VWA8: variants seen among roughly 807,000 people sequenced by gnomAD.
The protein encoded by VWA8 is von Willebrand factor A domain-containing protein 8.
VWA8 carries 221 observed loss-of-function variants against 241.5 expected under a neutral mutation model. The observed-to-expected ratio is 0.91, with a 90% CI of 0.82 to 1.02. The LOEUF (loss-of-function observed/expected upper bound fraction) is 1.02. Among genes scored for constraint, VWA8 ranks in the 50% least tolerant of loss-of-function variants. The pLI is 0.00. For missense variants in VWA8, 2,322 were observed against 2,328.7 expected (o/e 1.00, Z 0.06); for synonymous variants, 852 against 827.1 (o/e 1.03, Z -0.52).
In VWA8 at chr13:41,811,300, AAC is replaced by A. The variant is rs755964231; in HGVS notation, c.1986_1987del (p.Leu663AlafsTer11). ...CTGTGACAGCCGACGAGAAATTCGCAACAGTTGTCTGGTAGAAAGTGATGCCG... is the reference window on the plus strand; with the variant it reads ...CTGTGACAGCCGACGAGAAATTCGCAAGTTGTCTGGTAGAAAGTGATGCCG... On this transcript the variant is annotated frameshift_variant, in exon 17 of 45. Transcript: ENST00000379310. LOFTEE classifies it high-confidence loss of function. 1 of 1,611,110 alleles carries A rather than the reference AAC, an allele frequency of 6.2e-7. No homozygotes were observed. The highest frequency in any genetic ancestry group is 1.3e-5 in the African/African-American group (1 of 74,990).
At chr13:41,866,071 G>A (rs1873284943) in intron 10 of VWA8, 35 bp from the exon 11 acceptor site, 1 of 1,605,782 alleles carries the variant, frequency 6.2e-7, no homozygotes, top group South Asian at 1.1e-5. Flanking sequence ...AACATGGCCA[G>A]ATGTGGTGGC....
intron 1 of VWA8, among the ~76,000 whole-genome samples, chr13:41,950,753 C>G (rs1056314016): frequency 1.3e-5 from 2 of 149,614 alleles, no homozygotes; most frequent in African/African-American, 5.0e-5. Flanking sequence ...ACCGCAACTT[C>G]CGCCTCCTGG....
chr13:41,882,807 A>C (rs1874318478), intron 9 of VWA8, among the ~76,000 whole-genome samples: 1 of 151,378 alleles, frequency 6.6e-6, no homozygotes, highest in Admixed American at 6.6e-5. Context: ...AGAGAGGGAG[A>C]GGGAGACCGT....
chr13:41,961,029 C>G lies in VWA8; in HGVS notation c.-14G>C, dbSNP rs1252713404. On this transcript the variant is annotated 5_prime_UTR_variant, in exon 1 of 45. Coordinates refer to ENST00000379310, the MANE Select transcript of VWA8 (RefSeq NM_015058.2). ...CCGGGATTGCATGGCGCCGGGGGGG[C>G]TGTCGGGGACGGCGAGGGGGCTCGG... The G allele has an allele frequency of 1.5e-6, 2 of 1,356,688 alleles. No homozygotes were observed. The highest frequency in any genetic ancestry group is 3.1e-5 in the African/African-American group (2 of 65,108). The allele number at this position is 1,356,688 out of a possible 1,614,324, so 84.0% of individuals were successfully genotyped here.
intron 2 of VWA8, among the ~76,000 whole-genome samples, chr13:41,947,853 A>G (rs965972035): frequency 6.8e-6 from 1 of 146,222 alleles, no homozygotes; most frequent in African/African-American, 2.5e-5. Context: ...TGGAGGTTGA[A>G]CCTGGGAGGG....
chr13:41,922,646 A>G (rs1163991543), intron 2 of VWA8, among the ~76,000 whole-genome samples: 2 of 152,248 alleles, frequency 1.3e-5, no homozygotes, highest in African/African-American at 2.4e-5. Context: ...ACACTTCTCA[A>G]AAGAAGACAT....
intron 2 of VWA8, among the ~76,000 whole-genome samples, chr13:41,919,652 G>A (rs978209670): frequency 2.0e-5 from 3 of 152,020 alleles, no homozygotes; most frequent in African/African-American, 7.2e-5. Flanking sequence ...AGACATTGGT[G>A]TACCCTGCCC....
intron 20 of VWA8, among the ~76,000 whole-genome samples, chr13:41,763,893 G>A (rs2045760661): frequency 1.3e-5 from 2 of 152,150 alleles, no homozygotes; most frequent in Admixed American, 1.3e-4. Flanking sequence ...TTGAGATGTG[G>A]AGTCCCAGCT....
chr13:41,761,048 A>G (rs2045735373), intron 21 of VWA8, 80 bp downstream of exon 21: 2 of 1,426,722 alleles, frequency 1.4e-6, no homozygotes, highest in Non-Finnish European at 1.9e-6. Flanking sequence ...GGCCTCTAAG[A>G]AAGTATTTTT....
Position 41,887,338 on chromosome 13 carries a change from A to T in VWA8, c.675T>A (p.Asp225Glu). Reference protein sequence around the residue: ...LLRDHTKKELDSWKIVRVSEN... With the variant: ...LLRDHTKKELESWKIVRVSEN... ...CACTAACTCGGACAATTTTCCAAGAATCCAACTCTTTTTTGGTATGATCCT... is the reference window on the plus strand; with the variant it reads ...CACTAACTCGGACAATTTTCCAAGATTCCAACTCTTTTTTGGTATGATCCT... Residue 225 changes from aspartate (D) to glutamate (E), a missense_variant, in exon 6 of 45, where the codon GAT becomes GAA. Transcript: ENST00000379310. 4 of 1,612,580 alleles carry T rather than the reference A, an allele frequency of 2.5e-6. No homozygotes were observed. Among genetic ancestry groups the T allele is most frequent in the Non-Finnish European group, 3.4e-6 (4 of 1,179,584 alleles).
intron 2 of VWA8, among the ~76,000 whole-genome samples, chr13:41,934,039 T>C (rs1190364552): frequency 1.3e-5 from 2 of 150,686 alleles, no homozygotes; most frequent in African/African-American, 4.9e-5. Flanking sequence ...AGATAAGTCA[T>C]AGACTAGAAT....
Position 41,575,789 on chromosome 13 carries a change from G to C in VWA8, c.5321C>G (p.Pro1774Arg), listed in dbSNP as rs764414849. ...SGDGYNIGLV[P>R]MNKIPKDNKQ... is the part of the protein sequence containing the mutation. ...ATTGTCCTTGGGGATTTTGTTCATT[G>C]GAACCAGACCAATGTTGTAGCCATC... Residue 1774 changes from proline to arginine, a missense_variant, in exon 43 of 45, where the codon CCA becomes CGA. Pro to Arg is a moderately radical substitution (Grantham distance 103). Transcript: ENST00000379310. 1 of 1,613,138 alleles carries C rather than the reference G, an allele frequency of 6.2e-7. No homozygotes were observed. Among genetic ancestry groups the C allele is most frequent in the Non-Finnish European group, 8.5e-7 (1 of 1,179,892 alleles).
At position 41,727,212 on chromosome 13, in the gene VWA8, C is replaced by T; in HGVS notation, c.2740G>A (p.Asp914Asn). The change falls in exon 24 of 45, where the codon GAT becomes AAT. Residue 914 changes from aspartate (D) to asparagine (N), a missense_variant. Asp to Asn is a conservative substitution (Grantham distance 23). Coordinates refer to ENST00000379310, the MANE Select transcript of VWA8 (RefSeq NM_015058.2). ...TTTTTACCTAAGGTACCGAAGAAAT[C>T]ATTGCCTAGGAAAGGAAATCCAGGT... Reference protein sequence around the residue: ...NRPGFPFLGNDFFGTLGDIFS... With the variant: ...NRPGFPFLGNNFFGTLGDIFS... 1 of 1,546,874 alleles carries T rather than the reference C, an allele frequency of 6.5e-7. No individual in the cohort carries two copies. The highest frequency in any genetic ancestry group is 8.7e-7 in the Non-Finnish European group (1 of 1,145,636).
chr13:41,771,721 G>A (rs564977524), intron 20 of VWA8, among the ~76,000 whole-genome samples: 17 of 152,028 alleles, frequency 1.1e-4, no homozygotes, highest in Admixed American at 1.0e-3. Flanking sequence ...TGGGACTACA[G>A]GTGCATGCCA....
At chr13:41,921,625 G>C (rs1350752056) in intron 2 of VWA8, among the ~76,000 whole-genome samples, 1 of 152,154 alleles carries the variant, frequency 6.6e-6, no homozygotes, top group Non-Finnish European at 1.5e-5. Flanking sequence ...AACATCACAA[G>C]CATTCCGATA....
chr13:41,910,118 A>G (rs1222451435), intron 3 of VWA8, among the ~76,000 whole-genome samples: 1 of 152,192 alleles, frequency 6.6e-6, no homozygotes, highest in Non-Finnish European at 1.5e-5. Flanking sequence ...TTTCTTTTTT[A>G]AAGATACAGG....
Position 41,689,517 on chromosome 13 carries a change from TACAA to T in VWA8, c.3977-13_3977-10del. 1 of 1,600,438 alleles carries T rather than the reference TACAA, an allele frequency of 6.2e-7. No homozygotes were observed. Among genetic ancestry groups the T allele is most frequent in the Non-Finnish European group, 8.5e-7 (1 of 1,174,310 alleles). On this transcript the variant is annotated splice_polypyrimidine_tract_variant and intron_variant, in intron 33 of 44. Coordinates refer to ENST00000379310, the MANE Select transcript of VWA8 (RefSeq NM_015058.2). ...TATGCTGAACTCTGTTTCTGAAAAG[TACAA>T]ACATTAGACACCATATGCTCCTGAA...
intron 1 of VWA8, 64 bp downstream of exon 1, chr13:41,960,789 G>A: frequency 1.4e-6 from 2 of 1,462,318 alleles, no homozygotes; most frequent in East Asian, 2.8e-5. Context: ...AGGGGCGGGG[G>A]CGCGCGGGGA....
In VWA8 at chr13:41,805,957, GAC is replaced by G. The variant is rs1566464548; in HGVS notation, c.2063+5266_2063+5267del. 2.0e-5 allele frequency among the ~76,000 whole-genome samples: 3 copies of G among 148,490 alleles called. No individual in the cohort carries two copies. The Admixed American group carries it at 2.0e-4, about 10-fold the overall frequency. ...AGCACATGGATCATTCTCAAGGAGA[GAC>G]CATATATTAGGCCACAAAACAAGTC... is the stretch of plus-strand genomic sequence containing the variant. On this transcript the variant is annotated intron_variant, in intron 17 of 44. Coordinates refer to ENST00000379310, the MANE Select transcript of VWA8 (RefSeq NM_015058.2).
Sources: gnomAD v4.1 joint callset for allele counts (sites outside exome capture counted in the v4.1 genomes callset) on GRCh38, gnomAD v4.1.1 for gene constraint, MANE v1.5 for transcripts, NCBI Gene and HGNC (gene_info 2026-07-23, HGNC 2026-07-21) for gene names.